The following ANO10 variants were observed in gnomAD, a reference collection of about 807,000 sequenced individuals.
ANO10 encodes the protein anoctamin 10, also known as anoctamin-10.
ANO10 carries 77 observed loss-of-function variants against 74.7 expected under a neutral mutation model. The ratio of observed to expected loss-of-function variants is 1.03; its 90% confidence interval spans 0.86 to 1.25. ANO10 has a LOEUF of 1.25. ANO10 is among the 50% of genes most tolerant of loss of function. ANO10 has a pLI of 0.00. For synonymous variants in ANO10, 279 were observed against 284.9 expected, an observed-to-expected ratio of 0.98 and a Z score of 0.21; for missense variants, 721 against 778.1, an observed-to-expected ratio of 0.93 and a Z score of 0.87.
At chr3:43,655,070 T>G (rs567777444) in intron 1 of ANO10, among the ~76,000 whole-genome samples, 22 of 152,338 alleles carry the variant, frequency 1.4e-4, no homozygotes, top group Middle Eastern at 3.4e-3. Flanking sequence ...TCAGAAAAGC[T>G]TCTAACAATC....
chr3:43,408,968 G>A (rs1460822183), intron 12 of ANO10, among the ~76,000 whole-genome samples: 1 of 152,040 alleles, frequency 6.6e-6, no homozygotes, highest in Non-Finnish European at 1.5e-5. Flanking sequence ...GGAGAAAGAG[G>A]CTGCAGTGGG....
intron 1 of ANO10, among the ~76,000 whole-genome samples, chr3:43,688,589 T>A (rs1180222805): frequency 6.6e-6 from 1 of 152,192 alleles, no homozygotes; most frequent in East Asian, 1.9e-4. Flanking sequence ...ATGCCTGTGA[T>A]CCCAGCACTT....
In ANO10 at chr3:43,690,904, C is replaced by G. The variant is rs541675995; in HGVS notation, c.-12+613G>C. ...AAGACGCATGCGCTGGCGGCCTGCG[C>G]CGCCTTAAGTGCCGCGCCAGCCCGG... is the stretch of plus-strand genomic sequence containing the variant. On this transcript the variant is annotated intron_variant, in intron 1 of 3. Transcript: ENST00000413397. 2.8e-6 allele frequency: 4 copies of G among 1,408,350 alleles called. No homozygotes were observed. In the East Asian group the frequency reaches 1.2e-4, roughly 41 times the overall value. The allele number at this position is 1,408,350 out of a possible 1,614,324, so 87.2% of individuals were successfully genotyped here.
At chr3:43,458,076 A>G (rs1040874744) in intron 11 of ANO10, among the ~76,000 whole-genome samples, 3 of 152,220 alleles carry the variant, frequency 2.0e-5, no homozygotes, top group Non-Finnish European at 4.4e-5. Context: ...CATATTGGAA[A>G]AGGAGTCAGA....
chr3:43,683,685 C>T (rs1207630013), intron 1 of ANO10, among the ~76,000 whole-genome samples: 10 of 152,296 alleles, frequency 6.6e-5, no homozygotes, highest in Admixed American at 6.5e-4. Context: ...AACTATACTA[C>T]AAGGCTACAG....
At chr3:43,413,613 C>T (rs1403027078) in intron 12 of ANO10, among the ~76,000 whole-genome samples, 3 of 151,008 alleles carry the variant, frequency 2.0e-5, no homozygotes, top group African/African-American at 7.3e-5. Context: ...GCCAATTAAA[C>T]CTCTTTTCTT....
chr3:43,646,885 C>T (rs1389364554), intron 1 of ANO10, among the ~76,000 whole-genome samples: 1 of 152,186 alleles, frequency 6.6e-6, no homozygotes, highest in Non-Finnish European at 1.5e-5. Context: ...GTGCTGGTCA[C>T]ACAAACTGTC....
chr3:43,644,288 T>C (rs1007270156), intron 1 of ANO10, among the ~76,000 whole-genome samples: 1 of 152,184 alleles, frequency 6.6e-6, no homozygotes, highest in Non-Finnish European at 1.5e-5. Context: ...GTCCCAACAC[T>C]ATGTATTTAA....
intron 1 of ANO10, among the ~76,000 whole-genome samples, chr3:43,615,366 A>G (rs1050708480): frequency 1.3e-4 from 13 of 98,790 alleles, no homozygotes; most frequent in Non-Finnish European, 6.9e-5. Context: ...ACATCAAGCT[A>G]TTGTGTGTGT....
At chr3:43,674,166 A>G (rs1030248866) in intron 1 of ANO10, among the ~76,000 whole-genome samples, 4 of 152,080 alleles carry the variant, frequency 2.6e-5, no homozygotes, top group African/African-American at 9.7e-5. Context: ...TAATCATGGA[A>G]TTTCCCTCTG....
intron 12 of ANO10, among the ~76,000 whole-genome samples, chr3:43,393,319 T>G (rs1484117741): frequency 6.6e-6 from 1 of 152,162 alleles, no homozygotes; most frequent in Non-Finnish European, 1.5e-5. Flanking sequence ...AAACCAAGAT[T>G]GGTTTTGATT....
At chr3:43,590,775 T>C (rs564538565) in intron 4 of ANO10, among the ~76,000 whole-genome samples, 36 of 152,272 alleles carry the variant, frequency 2.4e-4, no homozygotes, top group Non-Finnish European at 4.3e-4. Flanking sequence ...TGGGAAAATG[T>C]GAATATGAAC....
chr3:43,454,847 G>A (rs1189128484), intron 11 of ANO10, among the ~76,000 whole-genome samples: 2 of 152,188 alleles, frequency 1.3e-5, no homozygotes, highest in African/African-American at 4.8e-5. Flanking sequence ...AAAGACAAAT[G>A]AGGCAGTAAT....
intron 1 of ANO10, among the ~76,000 whole-genome samples, chr3:43,629,146 G>T (rs557913570): frequency 2.0e-5 from 3 of 152,044 alleles, no homozygotes; most frequent in Non-Finnish European, 2.9e-5. Context: ...TCTCTCTTTT[G>T]TACTCTGTCC....
intron 1 of ANO10, among the ~76,000 whole-genome samples, chr3:43,613,908 AC>A (rs896936185): frequency 2.6e-5 from 4 of 152,210 alleles, no homozygotes; most frequent in African/African-American, 9.6e-5. Context: ...TGGGCTAAGT[AC>A]AGTAGCAGGA....
At chr3:43,629,707 A>T (rs899445105) in intron 1 of ANO10, among the ~76,000 whole-genome samples, 7 of 152,228 alleles carry the variant, frequency 4.6e-5, no homozygotes, top group Non-Finnish European at 1.0e-4. Flanking sequence ...GTAAAGTATG[A>T]GAGAAAGAGG....
chr3:43,560,879 C>T (rs2079997280), intron 9 of ANO10, among the ~76,000 whole-genome samples: 1 of 152,190 alleles, frequency 6.6e-6, no homozygotes, highest in Non-Finnish European at 1.5e-5. Context: ...TTTGAAGTGT[C>T]AAGAGCGAGC....
At chr3:43,690,706 T>C (rs1203543272) in intron 1 of ANO10, 1 of 391,772 alleles carries the variant, frequency 2.6e-6, no homozygotes, top group Non-Finnish European at 4.5e-6. Context: ...ACCTAACTCA[T>C]TCGGGTGAGT....
intron 10 of ANO10, among the ~76,000 whole-genome samples, chr3:43,553,497 C>A (rs1159787097): frequency 6.6e-6 from 1 of 151,528 alleles, no homozygotes; most frequent in East Asian, 1.9e-4. Flanking sequence ...TTTGTGCTTA[C>A]AGAATATTTT....
Sources: allele counts gnomAD v4.1 joint callset (sites outside exome capture counted in the v4.1 genomes callset), GRCh38; gene constraint gnomAD v4.1.1; transcripts MANE v1.5; gene names NCBI Gene and HGNC (gene_info 2026-07-23, HGNC 2026-07-21).